NEGR1: variants seen among roughly 807,000 people sequenced by gnomAD.
NEGR1 encodes IgLON family member 4.
NEGR1 carries 10 observed loss-of-function variants against 40.9 expected under a neutral mutation model. The ratio of observed to expected loss-of-function variants is 0.24; its 90% confidence interval spans 0.15 to 0.42. NEGR1 has a LOEUF of 0.42. NEGR1 is among the 10% of genes least tolerant of loss of function. NEGR1 has a pLI of 1.00. For missense variants in NEGR1, 352 were observed against 438.9 expected (o/e 0.80, Z 1.77); for synonymous variants, 185 against 166.8 (o/e 1.11, Z -0.84).
chr1:71,960,006 T>C (rs760920705), intron 1 of NEGR1, among the ~76,000 whole-genome samples: 15 of 152,136 alleles, frequency 9.9e-5, no homozygotes, highest in Non-Finnish European at 1.6e-4. Context: ...TGATAACAAA[T>C]TTACAAAGGC....
At chr1:71,895,649 T>A (rs1471188461) in intron 2 of NEGR1, among the ~76,000 whole-genome samples, 1 of 152,238 alleles carries the variant, frequency 6.6e-6, no homozygotes, top group African/African-American at 2.4e-5. Flanking sequence ...TGTGGCCAAA[T>A]AATAGTCCAT....
At chr1:71,928,466 T>TATATACACACATATATATG (rs1557439427) in intron 2 of NEGR1, among the ~76,000 whole-genome samples, 2 of 86,548 alleles carry the variant, frequency 2.3e-5, no homozygotes, top group African/African-American at 8.0e-5. Flanking sequence ...ACACACATAC[T>TATATACACACATATATATG]TATATATACA....
intron 1 of NEGR1, among the ~76,000 whole-genome samples, chr1:72,029,917 T>C (rs1416632355): frequency 1.3e-5 from 2 of 152,204 alleles, no homozygotes; most frequent in Admixed American, 6.5e-5. Flanking sequence ...ATTAAAATTA[T>C]GTGAATAAAA....
chr1:71,877,199 A>G (rs1660457470), intron 2 of NEGR1, among the ~76,000 whole-genome samples: 1 of 152,140 alleles, frequency 6.6e-6, no homozygotes, highest in Admixed American at 6.6e-5. Flanking sequence ...AGGCAGCTCC[A>G]TCTGGAGAAA....
chr1:72,115,458 CA>C (rs1649545501), intron 1 of NEGR1, among the ~76,000 whole-genome samples: 1 of 151,722 alleles, frequency 6.6e-6, no homozygotes, highest in Non-Finnish European at 1.5e-5. Context: ...CTGGCCTCAG[CA>C]ATGGGGCTCT....
intron 1 of NEGR1, among the ~76,000 whole-genome samples, chr1:71,952,738 G>A (rs1395471704): frequency 6.6e-6 from 1 of 151,816 alleles, no homozygotes; most frequent in Non-Finnish European, 1.5e-5. Flanking sequence ...AAGACTCAAA[G>A]GACAGGCTGA....
At position 71,689,765 on chromosome 1, in the gene NEGR1, C is replaced by T. The variant is rs373800261; in HGVS notation, c.667+8243G>A. Reference sequence around the variant, plus strand: ...ATAAGAGGAAAGAGAGGAGAGGAAACGAATAATATGGCAGTCACAAATAAA... The same window carrying T: ...ATAAGAGGAAAGAGAGGAGAGGAAATGAATAATATGGCAGTCACAAATAAA... On this transcript the variant is annotated intron_variant, in intron 4 of 6. Coordinates refer to ENST00000357731, the MANE Select transcript of NEGR1 (RefSeq NM_173808.3). Among the ~76,000 whole-genome samples, 56 of 149,396 alleles carry T rather than the reference C, an allele frequency of 3.7e-4. No individual in the cohort carries two copies. The East Asian group carries it at 7.0e-3, about 19-fold the overall frequency.
intron 3 of NEGR1, among the ~76,000 whole-genome samples, chr1:71,761,381 C>T (rs1655935587): frequency 6.6e-6 from 1 of 152,134 alleles, no homozygotes; most frequent in Admixed American, 6.5e-5. Flanking sequence ...CTTTAAGTTG[C>T]TAATCCATGG....
intron 4 of NEGR1, among the ~76,000 whole-genome samples, chr1:71,662,451 C>G (rs1274416009): frequency 6.6e-6 from 1 of 152,098 alleles, no homozygotes; most frequent in Non-Finnish European, 1.5e-5. Context: ...AATACTGAGG[C>G]ATATTCAGGC....
chr1:72,142,722 C>T (rs1163728388), intron 1 of NEGR1, among the ~76,000 whole-genome samples: 1 of 151,720 alleles, frequency 6.6e-6, no homozygotes, highest in Non-Finnish European at 1.5e-5. Context: ...ATCAGTGGCT[C>T]GAATACTGAG....
intron 3 of NEGR1, among the ~76,000 whole-genome samples, chr1:71,760,504 T>C (rs1298921223): frequency 2.0e-5 from 3 of 152,210 alleles, no homozygotes; most frequent in East Asian, 3.9e-4. Flanking sequence ...TGCAGTCTTA[T>C]GGTGAAAGTT....
At chr1:71,575,736 TCTCG>T (rs1471663335) in intron 6 of NEGR1, among the ~76,000 whole-genome samples, 3 of 151,966 alleles carry the variant, frequency 2.0e-5, no homozygotes, top group Admixed American at 1.3e-4. Context: ...TGAGCCGAGA[TCTCG>T]CCACTGCACT....
intron 1 of NEGR1, among the ~76,000 whole-genome samples, chr1:71,983,565 A>C (rs2100343224): frequency 6.6e-6 from 1 of 152,316 alleles, no homozygotes; most frequent in East Asian, 1.9e-4. Flanking sequence ...GAACTTCAGT[A>C]AGTTTTACTT....
At position 72,126,522 on chromosome 1, in the gene NEGR1, T is replaced by C. The variant is rs559936899; in HGVS notation, c.176+155797A>G. On this transcript the variant is annotated intron_variant, in intron 1 of 6. Coordinates refer to ENST00000357731, the MANE Select transcript of NEGR1 (RefSeq NM_173808.3). Reference sequence around the variant, plus strand: ...ACTCAGTAGAAGCAGCACCATACTATGACACAAACGTAAAACCAGATTTCA... The same window carrying C: ...ACTCAGTAGAAGCAGCACCATACTACGACACAAACGTAAAACCAGATTTCA... 1.2e-3 allele frequency among the ~76,000 whole-genome samples: 179 copies of C among 152,304 alleles called. 1 individual carries two copies. The highest frequency in any genetic ancestry group is 4.1e-3 in the African/African-American group (172 of 41,562).
intron 1 of NEGR1, among the ~76,000 whole-genome samples, chr1:72,090,261 C>T (rs1038961216): frequency 3.3e-5 from 5 of 151,070 alleles, no homozygotes; most frequent in Non-Finnish European, 7.4e-5. Context: ...AAAACGTCCA[C>T]CAAAAAGTAA....
chr1:71,688,353 G>T lies in NEGR1; in HGVS notation c.667+9655C>A, dbSNP rs1199443485. On this transcript the variant is annotated intron_variant, in intron 4 of 6. Transcript: ENST00000357731. ...AGATAGATAGATAGATAGATAGATA[G>T]ATTATATATATATGAGATATATACA... 1.7e-3 allele frequency among the ~76,000 whole-genome samples: 54 copies of T among 31,448 alleles called. 1 individual carries two copies. Among genetic ancestry groups the T allele is most frequent in the South Asian group, 4.1e-3 (4 of 978 alleles). The allele number at this position is 31,448 out of a possible 152,430, so 20.6% of individuals were successfully genotyped here.
At chr1:71,968,092 T>A (rs923880575) in intron 1 of NEGR1, among the ~76,000 whole-genome samples, 1 of 152,196 alleles carries the variant, frequency 6.6e-6, no homozygotes, top group Non-Finnish European at 1.5e-5. Context: ...CTATCAAGAA[T>A]ATCACTGACT....
At chr1:72,068,896 T>C (rs1183117589) in intron 1 of NEGR1, among the ~76,000 whole-genome samples, 2 of 152,146 alleles carry the variant, frequency 1.3e-5, no homozygotes, top group Non-Finnish European at 2.9e-5. Context: ...ATGTTTATCA[T>C]GAATATTATA....
intron 1 of NEGR1, among the ~76,000 whole-genome samples, chr1:72,068,091 A>G (rs558428598): frequency 5.3e-5 from 8 of 152,296 alleles, no homozygotes; most frequent in African/African-American, 1.7e-4. Context: ...TTAAAACACT[A>G]CATTACTGTA....
Sources: allele counts gnomAD v4.1 joint callset (sites outside exome capture counted in the v4.1 genomes callset), GRCh38; gene constraint gnomAD v4.1.1; transcripts MANE v1.5; gene names NCBI Gene and HGNC (gene_info 2026-07-23, HGNC 2026-07-21).